OSBPL6: variants seen among roughly 807,000 people sequenced by gnomAD.
OSBPL6 encodes oxysterol-binding protein-related protein 6.
OSBPL6 carries 49 observed loss-of-function variants against 125.8 expected under a neutral mutation model. That is an observed-to-expected ratio of 0.39 (90% CI 0.31 to 0.49). OSBPL6 has a LOEUF of 0.49. OSBPL6 is among the 20% of genes least tolerant of loss of function. OSBPL6 has a pLI of 0.88. For synonymous variants in OSBPL6, 394 were observed against 391.8 expected (o/e 1.01, Z -0.07); for missense variants, 986 against 1,135.4 (o/e 0.87, Z 1.89).
rs192845058 is a variant in OSBPL6, at chr2:178,366,994, T to C, written c.1288-5132T>C. On this transcript the variant is annotated intron_variant, in intron 13 of 24. Transcript: ENST00000190611. ...TAGAAAACAATCATGCACATATTCA[T>C]GGCAGTATTATTTATACTAGTAAAA... is the stretch of plus-strand genomic sequence containing the variant. 7.9e-5 allele frequency among the ~76,000 whole-genome samples: 12 copies of C among 152,366 alleles called. 1 individual carries two copies. The East Asian group carries it at 2.3e-3, about 29-fold the overall frequency.
intron 3 of OSBPL6, among the ~76,000 whole-genome samples, chr2:178,320,595 C>T (rs765507861): frequency 1.1e-4 from 16 of 152,164 alleles, no homozygotes; most frequent in Non-Finnish European, 1.8e-4. Context: ...TTCCAATTCA[C>T]TCTGAAAGAA....
chr2:178,256,274 G>A (rs113628281), intron 1 of OSBPL6, among the ~76,000 whole-genome samples: 42 of 152,308 alleles, frequency 2.8e-4, no homozygotes, highest in African/African-American at 1.0e-3. Flanking sequence ...TTAGGACATA[G>A]CTTTGGTATT....
In OSBPL6 at chr2:178,400,944, G is replaced by C. The variant is rs190237682; in HGVS notation, c.*5385G>C. On this transcript the variant is annotated 3_prime_UTR_variant, in exon 25 of 25. Transcript: ENST00000190611. ...ACAGAAAGAATCCCATTAAGTCCTA[G>C]TTCTGGTAGCCCGGTACAAATTTTA... The C allele has an allele frequency of 2.3e-4, 35 of 152,252 alleles. No homozygotes were observed. Among genetic ancestry groups the C allele is most frequent in the Non-Finnish European group, 4.0e-4 (27 of 68,026 alleles). 9.4% of individuals were successfully genotyped at this position (152,252 alleles called of 1,614,324 possible).
At chr2:178,268,447 TA>T (rs34783588) in intron 1 of OSBPL6, among the ~76,000 whole-genome samples, 54,400 of 152,018 alleles carry the variant, frequency 0.36, 11,904 homozygotes, top group East Asian at 0.63. Flanking sequence ...TAACTGTGAT[TA>T]TTTTTTATAT....
chr2:178,218,173 C>T (rs1361033978), intron 1 of OSBPL6, among the ~76,000 whole-genome samples: 3 of 152,066 alleles, frequency 2.0e-5, no homozygotes, highest in African/African-American at 7.2e-5. Context: ...GAATTTGTTT[C>T]TGCTATAAAA....
intron 3 of OSBPL6, among the ~76,000 whole-genome samples, chr2:178,310,567 G>T (rs567186309): frequency 6.6e-6 from 1 of 151,834 alleles, no homozygotes; most frequent in Non-Finnish European, 1.5e-5. Context: ...ACAGGTGCCC[G>T]CCACCGCACC....
chr2:178,317,916 A>G (rs1373969975), intron 3 of OSBPL6, among the ~76,000 whole-genome samples: 2 of 152,274 alleles, frequency 1.3e-5, no homozygotes, highest in South Asian at 2.1e-4. Flanking sequence ...AGCTCTTGAT[A>G]TGCCCTGGTA....
intron 13 of OSBPL6, among the ~76,000 whole-genome samples, chr2:178,370,211 G>T (rs6719229): frequency 2.0e-5 from 3 of 152,160 alleles, no homozygotes; most frequent in Non-Finnish European, 4.4e-5. Flanking sequence ...GTTGCAGTGA[G>T]CTGAGATCAC....
chr2:178,321,075 C>T (rs1282482005), intron 3 of OSBPL6, among the ~76,000 whole-genome samples: 3 of 152,096 alleles, frequency 2.0e-5, no homozygotes, highest in Non-Finnish European at 4.4e-5. Flanking sequence ...CTCTTGAACC[C>T]GGGAGGCGGA....
At chr2:178,258,101 T>G (rs745616866) in intron 1 of OSBPL6, among the ~76,000 whole-genome samples, 2 of 151,352 alleles carry the variant, frequency 1.3e-5, no homozygotes, top group African/African-American at 2.4e-5. Context: ...AAAGCTCTAG[T>G]TTTTTTTTCT....
rs566482493 is a variant in OSBPL6, at chr2:178,354,088, A to G, written c.1153+4699A>G. ...CCTTACATGAGCTCCTGAAGGAAGC[A>G]CTAAACATGGAAAGAAACAACTGGT... On this transcript the variant is annotated intron_variant, in intron 12 of 24. Transcript: ENST00000190611. Among the ~76,000 whole-genome samples, 3 of 152,358 alleles carry G rather than the reference A, an allele frequency of 2.0e-5. No homozygotes were observed. In the East Asian group the frequency reaches 5.8e-4, roughly 29 times the overall value.
At chr2:178,257,494 G>A (rs921580469) in intron 1 of OSBPL6, among the ~76,000 whole-genome samples, 29 of 152,036 alleles carry the variant, frequency 1.9e-4, no homozygotes, top group African/African-American at 2.2e-4. Context: ...TTTTTCTGTC[G>A]TAATATATTA....
chr2:178,377,968 A>G (rs1309122133), intron 15 of OSBPL6, among the ~76,000 whole-genome samples: 1 of 152,146 alleles, frequency 6.6e-6, no homozygotes, highest in Admixed American at 6.5e-5. Flanking sequence ...AGCTGGGATT[A>G]CAGGCATGCA....
chr2:178,392,850 G>C (rs1202367608), intron 23 of OSBPL6, among the ~76,000 whole-genome samples: 2 of 143,622 alleles, frequency 1.4e-5, no homozygotes, highest in Non-Finnish European at 3.0e-5. Flanking sequence ...AACAGAGAGA[G>C]ACCCTGGCAA....
intron 2 of OSBPL6, among the ~76,000 whole-genome samples, chr2:178,296,447 T>C (rs1399576067): frequency 2.0e-5 from 3 of 152,098 alleles, no homozygotes; most frequent in Non-Finnish European, 4.4e-5. Context: ...CCATGGGATA[T>C]TTTAGAGTAA....
At chr2:178,379,367 A>C (rs1694241617) in intron 15 of OSBPL6, among the ~76,000 whole-genome samples, 1 of 144,016 alleles carries the variant, frequency 6.9e-6, no homozygotes, top group South Asian at 2.5e-4. Flanking sequence ...GAAGGAAGGA[A>C]AGGGAGGGAG....
intron 1 of OSBPL6, among the ~76,000 whole-genome samples, chr2:178,270,999 G>A (rs982526579): frequency 2.0e-5 from 3 of 152,128 alleles, no homozygotes; most frequent in African/African-American, 7.2e-5. Flanking sequence ...AATTAAGCCT[G>A]TTTAACTCCG....
chr2:178,332,262 T>C (rs894993529), intron 6 of OSBPL6, among the ~76,000 whole-genome samples: 1 of 152,216 alleles, frequency 6.6e-6, no homozygotes, highest in African/African-American at 2.4e-5. Flanking sequence ...AGCAGCTGTC[T>C]GCCAGCTGAT....
intron 2 of OSBPL6, among the ~76,000 whole-genome samples, chr2:178,297,974 C>G (rs747989156): frequency 1.3e-5 from 2 of 152,176 alleles, no homozygotes; most frequent in Non-Finnish European, 2.9e-5. Flanking sequence ...ACCTTTCCAT[C>G]TTTCAAAGTG....
Sources: gnomAD v4.1 joint callset for allele counts (sites outside exome capture counted in the v4.1 genomes callset) on GRCh38, gnomAD v4.1.1 for gene constraint, MANE v1.5 for transcripts, NCBI Gene and HGNC (gene_info 2026-07-23, HGNC 2026-07-21) for gene names.